MAN1C1: variants seen among roughly 807,000 people sequenced by gnomAD.
The protein encoded by MAN1C1 is mannosidase alpha class 1C member 1.
Under a neutral mutation model 71.5 loss-of-function variants are expected in MAN1C1, and 49 were observed. The observed-to-expected ratio is 0.69, with a 90% CI of 0.54 to 0.87. The LOEUF is 0.87. Among genes scored for constraint, MAN1C1 ranks in the 40% least tolerant of loss-of-function variants. The pLI, the probability that MAN1C1 is intolerant of heterozygous loss-of-function variation, is 0.00. For synonymous variants in MAN1C1, 352 were observed against 343.7 expected (o/e 1.02, Z -0.27); for missense variants, 743 against 835.0 (o/e 0.89, Z 1.36).
chr1:25,617,267 GGCGGC>G lies in MAN1C1; in HGVS notation c.-528_-524del, dbSNP rs1229095283. On this transcript the variant is annotated 5_prime_UTR_variant, in exon 1 of 12. Coordinates refer to ENST00000374332, the MANE Select transcript of MAN1C1 (RefSeq NM_020379.4). The surrounding 1 kb of genome is among the most constrained non-coding windows in gnomAD (Gnocchi z 5.1). ...CCGGGCCGGGTGTGCGCGCGCTCGGGGCGGCGCTGACACGCCAGCCCCCCATCGCC... is the reference window on the plus strand; with the variant it reads ...CCGGGCCGGGTGTGCGCGCGCTCGGGGCTGACACGCCAGCCCCCCATCGCC... Among the ~76,000 whole-genome samples, 2 of 151,888 alleles carry G rather than the reference GGCGGC, an allele frequency of 1.3e-5. No homozygotes were observed. Among genetic ancestry groups the G allele is most frequent in the Non-Finnish European group, 1.5e-5 (1 of 67,932 alleles).
In MAN1C1 at chr1:25,634,756, G is replaced by A. The variant is rs1290281531; in HGVS notation, c.540+16419G>A. On this transcript the variant is annotated intron_variant, in intron 1 of 11. Transcript: ENST00000374332. This position sits in a 1 kb window ranked among gnomAD's most constrained non-coding sequence, Gnocchi z 4.6. Reference sequence around the variant, plus strand: ...AATTGCTTGAACTAGGGAGGCGGAGGTTGCAGTAAGTCGAGATTGTGCCAC... The same window carrying A: ...AATTGCTTGAACTAGGGAGGCGGAGATTGCAGTAAGTCGAGATTGTGCCAC... Among the ~76,000 whole-genome samples, 1 of 151,942 alleles carries A rather than the reference G, an allele frequency of 6.6e-6. No homozygotes were observed. Among genetic ancestry groups the A allele is most frequent in the Non-Finnish European group, 1.5e-5 (1 of 68,014 alleles).
intron 7 of MAN1C1, among the ~76,000 whole-genome samples, chr1:25,771,418 G>A (rs765994608): frequency 2.0e-5 from 3 of 152,232 alleles, no homozygotes; most frequent in East Asian, 1.9e-4. Context: ...AGCACCCGCC[G>A]GATGAGCCCG....
At chr1:25,633,714 G>T (rs3014691) in intron 1 of MAN1C1, among the ~76,000 whole-genome samples, 35,802 of 151,846 alleles carry the variant, frequency 0.24, 4,269 homozygotes, top group East Asian at 0.37. Flanking sequence ...TATTTGGTTC[G>T]TATTCTGCCA....
At chr1:25,646,941 G>A (rs2045623200) in intron 1 of MAN1C1, among the ~76,000 whole-genome samples, 1 of 152,196 alleles carries the variant, frequency 6.6e-6, no homozygotes, top group African/African-American at 2.4e-5. Flanking sequence ...CTGGGAGTGG[G>A]ATTGCTGGGT....
chr1:25,775,517 G>A lies in MAN1C1; in HGVS notation c.1258-2588G>A, dbSNP rs967017836. Among the ~76,000 whole-genome samples the A allele has an allele frequency of 6.6e-6, 1 of 152,242 alleles. No individual in the cohort carries two copies. Among genetic ancestry groups the A allele is most frequent in the Non-Finnish European group, 1.5e-5 (1 of 68,040 alleles). On this transcript the variant is annotated intron_variant, in intron 8 of 11. Transcript: ENST00000374332. The surrounding 1 kb of genome is among the most constrained non-coding windows in gnomAD (Gnocchi z 5.1). ...GGGCACTGGCTGGAGGCTGCTGCTG[G>A]TGGCTTCTGCTGTCACACGGCACTC... is the stretch of plus-strand genomic sequence containing the variant.
intron 1 of MAN1C1, among the ~76,000 whole-genome samples, chr1:25,640,914 A>T (rs1393194168): frequency 1.3e-5 from 2 of 152,220 alleles, no homozygotes; most frequent in African/African-American, 4.8e-5. Flanking sequence ...TTCTGTGATT[A>T]GGCACTGGAG....
chr1:25,750,293 C>T (rs1034356700), intron 4 of MAN1C1, among the ~76,000 whole-genome samples: 5 of 152,214 alleles, frequency 3.3e-5, no homozygotes, highest in Admixed American at 1.3e-4. Flanking sequence ...ATCCCCGCTC[C>T]CGAGCTCCGG....
In MAN1C1 at chr1:25,775,471, C is replaced by T. The variant is rs996376806; in HGVS notation, c.1258-2634C>T. Among the ~76,000 whole-genome samples, 11 of 152,240 alleles carry T rather than the reference C, an allele frequency of 7.2e-5. No homozygotes were observed. Among genetic ancestry groups the T allele is most frequent in the Admixed American group, 6.5e-4 (10 of 15,278 alleles). ...CAGACCCAGGAGTGAGCGAGTGTTC[C>T]TTGAGCATCTTCTGTGTGTCGGGCA... is the stretch of plus-strand genomic sequence containing the variant. On this transcript the variant is annotated intron_variant, in intron 8 of 11. Transcript: ENST00000374332. This position sits in a 1 kb window ranked among gnomAD's most constrained non-coding sequence, Gnocchi z 5.1.
At position 25,628,612 on chromosome 1, in the gene MAN1C1, T is replaced by A. The variant is rs768288932; in HGVS notation, c.540+10275T>A. Among the ~76,000 whole-genome samples, 53 of 152,182 alleles carry A rather than the reference T, an allele frequency of 3.5e-4. 1 individual carries two copies. Among genetic ancestry groups the A allele is most frequent in the Non-Finnish European group, 6.0e-4 (41 of 68,022 alleles). ...TGTGAGCCACCACACCCAGCCATTT[T>A]AAAAATTTTAATAGCTTTTGGAGTG... is the stretch of plus-strand genomic sequence containing the variant. On this transcript the variant is annotated intron_variant, in intron 1 of 11. Coordinates refer to ENST00000374332, the MANE Select transcript of MAN1C1 (RefSeq NM_020379.4).
intron 1 of MAN1C1, among the ~76,000 whole-genome samples, chr1:25,668,068 G>T (rs1168264863): frequency 6.6e-6 from 1 of 152,168 alleles, no homozygotes; most frequent in African/African-American, 2.4e-5. Context: ...GGTTTTACAA[G>T]CTTTTCTAGC....
intron 4 of MAN1C1, among the ~76,000 whole-genome samples, chr1:25,751,797 G>A (rs1443099798): frequency 6.6e-6 from 1 of 152,198 alleles, no homozygotes; most frequent in Non-Finnish European, 1.5e-5. Context: ...CACAGTGTCT[G>A]AGGGTTGTGT....
In MAN1C1 at chr1:25,764,031, C is replaced by T; in HGVS notation, c.1141+64C>T. ...TCCTGCCCAGGCTTCCTAGGAAGAC[C>T]CTGCCAGGCCCCTGGGCTGAGTGAG... On this transcript the variant is annotated intron_variant, in intron 7 of 11. Transcript: ENST00000374332. The surrounding 1 kb of genome is among the most constrained non-coding windows in gnomAD (Gnocchi z 4.4). 7.4e-7 allele frequency: 1 copy of T among 1,348,076 alleles called. No individual in the cohort carries two copies. The highest frequency in any genetic ancestry group is 1.2e-5 in the South Asian group (1 of 85,328). The allele number at this position is 1,348,076 out of a possible 1,614,324, so 83.5% of individuals were successfully genotyped here. A position where few individuals can be genotyped will look rare whatever the true frequency, so the allele number is the denominator to read the frequency against.
intron 1 of MAN1C1, among the ~76,000 whole-genome samples, chr1:25,643,249 A>ATTTATTT (rs201600354): frequency 3.2e-4 from 39 of 122,118 alleles, no homozygotes; most frequent in Admixed American, 1.0e-3. Context: ...TTAATTAATT[A>ATTTATTT]ATTAATTTAT....
chr1:25,763,548 C>G, intron 6 of MAN1C1: 1 of 240,342 alleles, frequency 4.2e-6, no homozygotes, highest in Non-Finnish European at 8.1e-6. Flanking sequence ...CCTAAAGCAG[C>G]AAGCAATGAG....
intron 1 of MAN1C1, among the ~76,000 whole-genome samples, chr1:25,619,970 T>G (rs1447249866): frequency 6.6e-6 from 1 of 152,168 alleles, no homozygotes; most frequent in East Asian, 1.9e-4. Context: ...GATTAAGAAT[T>G]AACTATCATC....
chr1:25,665,344 A>G (rs1354715078), intron 1 of MAN1C1, among the ~76,000 whole-genome samples: 2 of 152,156 alleles, frequency 1.3e-5, no homozygotes, highest in African/African-American at 4.8e-5. Context: ...ATAAAAAGCT[A>G]TTTTAAGAAT....
intron 2 of MAN1C1, among the ~76,000 whole-genome samples, chr1:25,717,070 T>C (rs931584423): frequency 1.6e-4 from 24 of 152,370 alleles, no homozygotes; most frequent in African/African-American, 5.8e-4. Context: ...CATTTGGCAA[T>C]TGATTTGTTT....
At chr1:25,701,735 C>G (rs1004245300) in intron 2 of MAN1C1, among the ~76,000 whole-genome samples, 5 of 152,212 alleles carry the variant, frequency 3.3e-5, no homozygotes, top group Non-Finnish European at 7.3e-5. Flanking sequence ...CATCTTCACC[C>G]TTGTGTCCCT....
In MAN1C1 at chr1:25,783,725, C is replaced by T. The variant is rs750751523; in HGVS notation, c.1829C>T (p.Thr610Ile). 6.2e-7 allele frequency: 1 copy of T among 1,613,354 alleles called. No homozygotes were observed. The highest frequency in any genetic ancestry group is 1.1e-5 in the South Asian group (1 of 91,088). ...LLSLEDWVFN[T>I]EAHPLPVNHS... ...TCCCTGGAAGACTGGGTGTTCAACA[C>T]CGAGGCCCACCCACTCCCGGTGAAC... The change falls in exon 12 of 12, where the codon ACC (threonine) becomes ATC (isoleucine). Residue 610 changes from threonine (T) to isoleucine (I), a missense_variant. Coordinates refer to ENST00000374332, the MANE Select transcript of MAN1C1 (RefSeq NM_020379.4).
Sources: gnomAD v4.1 joint callset for allele counts (sites outside exome capture counted in the v4.1 genomes callset) on GRCh38, gnomAD v4.1.1 for gene constraint, Gnocchi (gnomAD v3.1) non-coding constraint, MANE v1.5 for transcripts, NCBI Gene and HGNC (gene_info 2026-07-23, HGNC 2026-07-21) for gene names.